Variants in ST8SIA2 observed in about 807,000 individuals in gnomAD.
ST8SIA2 encodes the protein alpha-2,8-sialyltransferase 8B.
ST8SIA2 carries 22 observed loss-of-function variants against 37.6 expected under a neutral mutation model. That is an observed-to-expected ratio of 0.58 (90% CI 0.42 to 0.83). The LOEUF is 0.83. Ranked by LOEUF, ST8SIA2 falls within the 40% of genes least tolerant of loss-of-function variation. The probability of loss-of-function intolerance (pLI) is 0.00; values close to 1 mark genes in which losing one functional copy is unlikely to be tolerated. For synonymous variants in ST8SIA2, 205 were observed against 201.2 expected, an observed-to-expected ratio of 1.02 and a Z score of -0.16; for missense variants, 382 against 484.7, an observed-to-expected ratio of 0.79 and a Z score of 1.99.
At chr15:92,400,229 TC>T (rs1194673966) in intron 1 of ST8SIA2, among the ~76,000 whole-genome samples, 1 of 152,152 alleles carries the variant, frequency 6.6e-6, no homozygotes, top group African/African-American at 2.4e-5. Context: ...TGGTTGCCCC[TC>T]CTGTGTGCAC....
intron 1 of ST8SIA2, among the ~76,000 whole-genome samples, chr15:92,424,492 G>A (rs1308241127): frequency 6.6e-6 from 1 of 152,122 alleles, no homozygotes; most frequent in African/African-American, 2.4e-5. Flanking sequence ...AGATCCAGCT[G>A]TGTGTGGTGT....
At chr15:92,410,680 A>G (rs769260904) in intron 1 of ST8SIA2, among the ~76,000 whole-genome samples, 8 of 152,226 alleles carry the variant, frequency 5.3e-5, no homozygotes, top group Non-Finnish European at 1.2e-4. Context: ...CAAACATCTT[A>G]TGAGAGTAGT....
intron 1 of ST8SIA2, among the ~76,000 whole-genome samples, chr15:92,410,784 C>T (rs773425500): frequency 1.3e-5 from 2 of 152,158 alleles, no homozygotes; most frequent in Non-Finnish European, 2.9e-5. Flanking sequence ...ACTGCTGATT[C>T]CTACCGTAGG....
At chr15:92,436,486 AG>A (rs2049759534) in intron 3 of ST8SIA2, among the ~76,000 whole-genome samples, 1 of 152,250 alleles carries the variant, frequency 6.6e-6, no homozygotes, top group Admixed American at 6.5e-5. Flanking sequence ...TCATAATAAA[AG>A]ATTCTGCAAG....
chr15:92,413,169 A>G (rs1444451000), intron 1 of ST8SIA2, among the ~76,000 whole-genome samples: 2 of 152,204 alleles, frequency 1.3e-5, no homozygotes, highest in African/African-American at 4.8e-5. Flanking sequence ...TGCCCGTTGC[A>G]GAGTAGGTGC....
intron 1 of ST8SIA2, among the ~76,000 whole-genome samples, chr15:92,427,906 C>T (rs2049688456): frequency 6.6e-6 from 1 of 152,216 alleles, no homozygotes; most frequent in African/African-American, 2.4e-5. Context: ...TCACTTGAAC[C>T]CAGGAGGCGG....
chr15:92,396,237 T>C (rs2049429425), intron 1 of ST8SIA2, among the ~76,000 whole-genome samples: 1 of 152,124 alleles, frequency 6.6e-6, no homozygotes, highest in Non-Finnish European at 1.5e-5. Context: ...AGACACCCTC[T>C]CTCCCAGGCT....
chr15:92,442,045 T>A (rs147711340), intron 4 of ST8SIA2, among the ~76,000 whole-genome samples: 46 of 152,318 alleles, frequency 3.0e-4, no homozygotes, highest in Non-Finnish European at 5.6e-4. Flanking sequence ...CCTGGCCTAC[T>A]GTTGGACAAA....
chr15:92,419,134 G>A (rs2049611819), intron 1 of ST8SIA2, among the ~76,000 whole-genome samples: 1 of 152,170 alleles, frequency 6.6e-6, no homozygotes, highest in Non-Finnish European at 1.5e-5. Context: ...GAAGGAGGGA[G>A]TGGCCACCCT....
chr15:92,454,671 G>C (rs558434558), intron 5 of ST8SIA2, among the ~76,000 whole-genome samples: 1 of 152,128 alleles, frequency 6.6e-6, no homozygotes, highest in East Asian at 2.0e-4. Flanking sequence ...GCAGCTGGCA[G>C]GGCCCGGCCT....
chr15:92,446,255 C>A (rs143521928), intron 5 of ST8SIA2, among the ~76,000 whole-genome samples: 28 of 152,210 alleles, frequency 1.8e-4, no homozygotes, highest in African/African-American at 6.7e-4. Flanking sequence ...ATGATCTCTC[C>A]GCATGGGCTA....
intron 2 of ST8SIA2, among the ~76,000 whole-genome samples, 154 bp downstream of exon 2, chr15:92,430,265 G>C (rs1232142343): frequency 6.6e-6 from 1 of 152,188 alleles, no homozygotes; most frequent in African/African-American, 2.4e-5. Flanking sequence ...TTTGGGGGGA[G>C]CTGTCAATGG....
At chr15:92,451,836 C>T (rs1328935906) in intron 5 of ST8SIA2, among the ~76,000 whole-genome samples, 1 of 152,170 alleles carries the variant, frequency 6.6e-6, no homozygotes, top group Non-Finnish European at 1.5e-5. Context: ...TGGTTAGGGA[C>T]AGATCCAGGT....
intron 1 of ST8SIA2, among the ~76,000 whole-genome samples, chr15:92,415,686 G>C (rs1047684643): frequency 1.3e-5 from 2 of 151,924 alleles, no homozygotes; most frequent in African/African-American, 2.4e-5. Context: ...ATTTTATAAC[G>C]ACTAGTCTCT....
chr15:92,396,546 T>G (rs28516751), intron 1 of ST8SIA2, among the ~76,000 whole-genome samples: 15 of 151,866 alleles, frequency 9.9e-5, no homozygotes, highest in African/African-American at 1.4e-4. Flanking sequence ...CAGGATGGAG[T>G]GCAGTGGCAC....
In ST8SIA2 at chr15:92,396,470, G is replaced by T. The variant is rs917610864; in HGVS notation, c.98+2308G>T. Among the ~76,000 whole-genome samples the T allele has an allele frequency of 8.3e-4, 119 of 143,652 alleles. 1 individual carries two copies. The highest frequency in any genetic ancestry group is 2.1e-3 in the African/African-American group (84 of 39,504). The allele number at this position is 143,652 out of a possible 152,430, so 94.2% of individuals were successfully genotyped here. On this transcript the variant is annotated intron_variant, in intron 1 of 5. Transcript: ENST00000268164. ...GGTTTCTTTTTGTTTGTTTGTTTTTGTTTTTTTTTTTGTCTTTTCTTTTTT... is the reference window on the plus strand; with the variant it reads ...GGTTTCTTTTTGTTTGTTTGTTTTTTTTTTTTTTTTTGTCTTTTCTTTTTT...
chr15:92,396,899 G>C (rs2049436029), intron 1 of ST8SIA2, among the ~76,000 whole-genome samples: 2 of 152,198 alleles, frequency 1.3e-5, no homozygotes, highest in Admixed American at 6.5e-5. Context: ...GGCGTCAAGA[G>C]GGCTCCGCCT....
chr15:92,420,360 G>T (rs2049624315), intron 1 of ST8SIA2, among the ~76,000 whole-genome samples: 2 of 152,198 alleles, frequency 1.3e-5, no homozygotes, highest in African/African-American at 2.4e-5. Context: ...GAAGGATCAG[G>T]AACGATTGCA....
Position 92,445,105 on chromosome 15 carries a change from G to A in ST8SIA2, c.842+176G>A. On this transcript the variant is annotated intron_variant, in intron 5 of 5. Transcript: ENST00000268164. ...CATTCCTTGAGAGATGAGGGGGTTTGGCAAGTGGGTTTCATCTGGCATGCC... is the reference window on the plus strand; with the variant it reads ...CATTCCTTGAGAGATGAGGGGGTTTAGCAAGTGGGTTTCATCTGGCATGCC... 5 of 934,338 alleles carry A rather than the reference G, an allele frequency of 5.4e-6. 1 individual carries two copies. The South Asian group carries it at 7.9e-5, about 15-fold the overall frequency. 57.9% of individuals were successfully genotyped at this position (934,338 alleles called of 1,614,324 possible).
Sources: gnomAD v4.1 joint callset for allele counts (sites outside exome capture counted in the v4.1 genomes callset) on GRCh38, gnomAD v4.1.1 for gene constraint, MANE v1.5 for transcripts, NCBI Gene and HGNC (gene_info 2026-07-23, HGNC 2026-07-21) for gene names.